Variants in PRKD1 observed in about 807,000 individuals in gnomAD.
PRKD1 encodes the protein protein kinase D1.
Under a neutral mutation model 95.9 loss-of-function variants are expected in PRKD1, and 63 were observed. That is an observed-to-expected ratio of 0.66 (90% CI 0.54 to 0.81). The LOEUF is 0.81. PRKD1 is among the 30% of genes least tolerant of loss of function. PRKD1 has a pLI of 0.00. For missense variants in PRKD1, 1,048 were observed against 1,165.3 expected (o/e 0.90, Z 1.47); for synonymous variants, 425 against 423.1 (o/e 1.00, Z -0.05).
chr14:29,870,265 G>A (rs1893055763), intron 1 of PRKD1, among the ~76,000 whole-genome samples: 1 of 152,098 alleles, frequency 6.6e-6, no homozygotes, highest in Non-Finnish European at 1.5e-5. Context: ...GTTGCATCTT[G>A]TTTTGAGTTT....
intron 1 of PRKD1, among the ~76,000 whole-genome samples, chr14:29,865,088 ATATCTATAT>A (rs1353492675): frequency 6.6e-6 from 1 of 152,180 alleles, no homozygotes; most frequent in Non-Finnish European, 1.5e-5. Flanking sequence ...CTACCAATGT[ATATCTATAT>A]TATCAATTGG....
At chr14:29,816,382 C>T (rs79481451) in intron 1 of PRKD1, among the ~76,000 whole-genome samples, 3,084 of 152,264 alleles carry the variant, frequency 0.02, 112 homozygotes, top group African/African-American at 0.068. Flanking sequence ...AACTATGTGC[C>T]ACACATTCAG....
At chr14:29,597,834 T>A in intron 15 of PRKD1, 76 bp from the exon 16 acceptor site, 5 of 1,377,248 alleles carry the variant, frequency 3.6e-6, no homozygotes, top group Non-Finnish European at 4.9e-6. Flanking sequence ...ATTCACCAGA[T>A]ACAACCATAA....
At chr14:29,731,204 G>A (rs1178334118) in intron 1 of PRKD1, among the ~76,000 whole-genome samples, 1 of 152,080 alleles carries the variant, frequency 6.6e-6, no homozygotes, top group Non-Finnish European at 1.5e-5. Context: ...TTTAACCCAT[G>A]GGTTATTCAG....
chr14:29,852,129 A>T (rs1892332838), intron 1 of PRKD1, among the ~76,000 whole-genome samples: 1 of 152,184 alleles, frequency 6.6e-6, no homozygotes, highest in African/African-American at 2.4e-5. Context: ...CCTAGTGGGT[A>T]CTATGTTCAC....
intron 1 of PRKD1, among the ~76,000 whole-genome samples, chr14:29,820,087 G>A (rs1479999204): frequency 6.6e-6 from 1 of 152,164 alleles, no homozygotes; most frequent in Non-Finnish European, 1.5e-5. Context: ...TCCACAATGA[G>A]AAGGTGAGGC....
At chr14:29,872,323 C>G (rs1893136050) in intron 1 of PRKD1, among the ~76,000 whole-genome samples, 1 of 152,078 alleles carries the variant, frequency 6.6e-6, no homozygotes, top group Admixed American at 6.6e-5. Context: ...TAAATAATTA[C>G]TAGAATGAAA....
intron 1 of PRKD1, among the ~76,000 whole-genome samples, chr14:29,851,382 GAACAAA>G (rs772025305): frequency 6.7e-4 from 101 of 151,604 alleles, no homozygotes; most frequent in Non-Finnish European, 1.3e-3. Context: ...ACAAGCAAAA[GAACAAA>G]AACAAAAACA....
intron 2 of PRKD1, among the ~76,000 whole-genome samples, chr14:29,672,845 T>C (rs979572362): frequency 1.3e-5 from 2 of 152,108 alleles, no homozygotes; most frequent in African/African-American, 4.8e-5. Context: ...TATGTTCTAT[T>C]ATGAAAATTA....
chr14:29,645,864 C>G (rs114156490), intron 4 of PRKD1, among the ~76,000 whole-genome samples: 5,679 of 152,170 alleles, frequency 0.037, 319 homozygotes, highest in African/African-American at 0.12. Flanking sequence ...TACCCCCACT[C>G]CTTACTCTAT....
chr14:29,691,060 T>C (rs995697881), intron 2 of PRKD1, among the ~76,000 whole-genome samples: 1 of 152,220 alleles, frequency 6.6e-6, no homozygotes, highest in African/African-American at 2.4e-5. Context: ...TGGCATCAAG[T>C]ACACGGTCAA....
At chr14:29,654,000 G>C (rs1432244592) in intron 4 of PRKD1, among the ~76,000 whole-genome samples, 3 of 151,898 alleles carry the variant, frequency 2.0e-5, no homozygotes, top group African/African-American at 7.3e-5. Context: ...CCTGTTGTTG[G>C]GAAGAGTATA....
intron 1 of PRKD1, among the ~76,000 whole-genome samples, chr14:29,904,841 T>A (rs1432185168): frequency 6.6e-6 from 1 of 152,200 alleles, no homozygotes; most frequent in African/African-American, 2.4e-5. Flanking sequence ...AGTACAAGAA[T>A]GATACCTAAA....
intron 13 of PRKD1, 112 bp downstream of exon 13, chr14:29,624,040 A>C (rs1879453480): frequency 2.9e-6 from 2 of 683,960 alleles, no homozygotes; most frequent in Non-Finnish European, 4.8e-6. Context: ...ATTATTTTAA[A>C]GTGTTCCAAA....
chr14:29,663,307 T>G (rs1882296832), intron 4 of PRKD1, among the ~76,000 whole-genome samples: 1 of 151,886 alleles, frequency 6.6e-6, no homozygotes, highest in African/African-American at 2.4e-5. Context: ...CAAGAGCAAA[T>G]TTCAAGTTTC....
intron 4 of PRKD1, among the ~76,000 whole-genome samples, chr14:29,654,780 G>C (rs1020831952): frequency 6.6e-6 from 1 of 152,130 alleles, no homozygotes; most frequent in African/African-American, 2.4e-5. Context: ...GCTGAACATG[G>C]AGCAATGGCC....
intron 2 of PRKD1, among the ~76,000 whole-genome samples, chr14:29,684,677 A>G (rs1376830858): frequency 6.6e-6 from 1 of 152,212 alleles, no homozygotes; most frequent in Admixed American, 6.5e-5. Flanking sequence ...TTCTAAGACA[A>G]CAGAAGGATA....
intron 1 of PRKD1, among the ~76,000 whole-genome samples, chr14:29,834,487 C>T (rs1891535051): frequency 6.6e-6 from 1 of 151,970 alleles, no homozygotes; most frequent in Non-Finnish European, 1.5e-5. Context: ...TAACTAAATT[C>T]TGGGTTTAGC....
intron 12 of PRKD1, 73 bp from the exon 13 acceptor site, chr14:29,624,331 A>G (rs1321532942): frequency 9.4e-7 from 1 of 1,067,180 alleles, no homozygotes; most frequent in Non-Finnish European, 1.3e-6. Flanking sequence ...AAAATTTGCA[A>G]GGACATTTAA....
Sources: allele counts gnomAD v4.1 joint callset (sites outside exome capture counted in the v4.1 genomes callset), GRCh38; gene constraint gnomAD v4.1.1; transcripts MANE v1.5; gene names NCBI Gene and HGNC (gene_info 2026-07-23, HGNC 2026-07-21).